TBC1D4: variants seen among roughly 807,000 people sequenced by gnomAD.
TBC1D4 encodes TBC (Tre-2, BUB2, CDC16) domain-containing protein.
Under a neutral mutation model 142.5 loss-of-function variants are expected in TBC1D4, and 121 were observed. The ratio of observed to expected loss-of-function variants is 0.85; its 90% CI spans 0.73 to 0.99. The LOEUF (loss-of-function observed/expected upper bound fraction) is 0.99, where lower values mean the gene tolerates loss of function less well. TBC1D4 is among the 50% of genes least tolerant of loss of function. The pLI is 0.00. For synonymous variants in TBC1D4, 630 were observed against 628.2 expected, an observed-to-expected ratio of 1.00 and a Z score of -0.04; for missense variants, 1,475 against 1,606.6, an observed-to-expected ratio of 0.92 and a Z score of 1.40.
chr13:75,310,192 A>T, intron 13 of TBC1D4, 41 bp from the exon 14 acceptor site: 4 of 1,571,278 alleles, frequency 2.5e-6, no homozygotes, highest in Non-Finnish European at 3.5e-6. Flanking sequence ...CTTAGCAGTA[A>T]CCCAGACTAC....
chr13:75,318,043 T>C (rs1878460221), intron 12 of TBC1D4, among the ~76,000 whole-genome samples: 1 of 152,234 alleles, frequency 6.6e-6, no homozygotes, highest in Non-Finnish European at 1.5e-5. Flanking sequence ...AACTCTTAAA[T>C]TAACATCCCA....
chr13:75,307,047 T>C (rs1402894985), intron 14 of TBC1D4, among the ~76,000 whole-genome samples: 1 of 152,222 alleles, frequency 6.6e-6, no homozygotes, highest in Non-Finnish European at 1.5e-5. Flanking sequence ...CATAGCTCAC[T>C]GCAGCCTCAA....
At chr13:75,477,286 T>G (rs1353239718) in intron 1 of TBC1D4, among the ~76,000 whole-genome samples, 1 of 152,088 alleles carries the variant, frequency 6.6e-6, no homozygotes, top group Admixed American at 6.6e-5. Context: ...AAAAATATAT[T>G]GACAAAAAAA....
At chr13:75,434,143 A>G (rs1431829486) in intron 1 of TBC1D4, among the ~76,000 whole-genome samples, 1 of 152,208 alleles carries the variant, frequency 6.6e-6, no homozygotes, top group Non-Finnish European at 1.5e-5. Flanking sequence ...CATTCAACTC[A>G]GCAATCCCAC....
chr13:75,311,355 T>C (rs1028688754), intron 13 of TBC1D4, among the ~76,000 whole-genome samples: 10 of 152,330 alleles, frequency 6.6e-5, no homozygotes, highest in African/African-American at 2.4e-4. Flanking sequence ...CTGTGAAGCT[T>C]TTTCTGACCA....
At chr13:75,294,766 G>T in intron 18 of TBC1D4, 88 bp downstream of exon 18, 1 of 1,426,746 alleles carries the variant, frequency 7.0e-7, no homozygotes, top group Non-Finnish European at 9.8e-7. Flanking sequence ...ACACATGATA[G>T]AACAATAGGG....
intron 8 of TBC1D4, among the ~76,000 whole-genome samples, chr13:75,331,060 T>C (rs113971367): frequency 6.6e-6 from 1 of 152,188 alleles, no homozygotes; most frequent in Non-Finnish European, 1.5e-5. Context: ...CACACAAGCT[T>C]TTTTTGTGCA....
intron 1 of TBC1D4, among the ~76,000 whole-genome samples, chr13:75,384,244 C>T (rs1407160636): frequency 2.0e-5 from 3 of 152,124 alleles, no homozygotes; most frequent in South Asian, 2.1e-4. Context: ...AGGGCCAGCC[C>T]GGCCAACATG....
intron 13 of TBC1D4, 109 bp from the exon 14 acceptor site, chr13:75,310,260 A>G: frequency 8.8e-7 from 1 of 1,134,852 alleles, no homozygotes; most frequent in South Asian, 1.3e-5. Flanking sequence ...AAATGTCACA[A>G]AGCCGCTTTC....
intron 1 of TBC1D4, among the ~76,000 whole-genome samples, chr13:75,398,869 CA>C (rs1566460038): frequency 6.6e-6 from 1 of 152,226 alleles, no homozygotes; most frequent in East Asian, 1.9e-4. Flanking sequence ...CTTATCTAGA[CA>C]AGGGGGTTTC....
At chr13:75,476,542 A>G (rs1172565968) in intron 1 of TBC1D4, among the ~76,000 whole-genome samples, 2 of 152,198 alleles carry the variant, frequency 1.3e-5, no homozygotes, top group Non-Finnish European at 2.9e-5. Context: ...TTCATTCAAC[A>G]TTTGCATGGT....
chr13:75,321,349 T>C (rs1878762149), intron 11 of TBC1D4, among the ~76,000 whole-genome samples: 1 of 152,008 alleles, frequency 6.6e-6, no homozygotes, highest in Admixed American at 6.6e-5. Flanking sequence ...TCTTAGGAAA[T>C]ACACCCTAAA....
At chr13:75,444,901 TA>T (rs1477822532) in intron 1 of TBC1D4, among the ~76,000 whole-genome samples, 2 of 152,242 alleles carry the variant, frequency 1.3e-5, no homozygotes, top group Admixed American at 6.5e-5. Flanking sequence ...TTTCATTTAT[TA>T]ATTGCTTACT....
intron 17 of TBC1D4, among the ~76,000 whole-genome samples, chr13:75,296,682 T>C (rs1376703362): frequency 6.6e-6 from 1 of 151,554 alleles, no homozygotes; most frequent in African/African-American, 2.4e-5. Context: ...GAAGGAAAGA[T>C]GCACAGAGAG....
intron 9 of TBC1D4, 65 bp downstream of exon 9, chr13:75,327,687 A>G: frequency 7.0e-7 from 1 of 1,427,474 alleles, no homozygotes; most frequent in Non-Finnish European, 9.9e-7. Flanking sequence ...TGGAGCATGC[A>G]TATTACCATA....
chr13:75,321,084 C>T (rs1878733872), intron 11 of TBC1D4, among the ~76,000 whole-genome samples: 1 of 151,744 alleles, frequency 6.6e-6, no homozygotes, highest in African/African-American at 2.4e-5. Flanking sequence ...ATCTCCTACC[C>T]TACCCTATTC....
intron 1 of TBC1D4, among the ~76,000 whole-genome samples, chr13:75,452,929 C>T (rs1566501060): frequency 6.6e-6 from 1 of 151,856 alleles, no homozygotes; most frequent in African/African-American, 2.4e-5. Flanking sequence ...GATAGCGTCT[C>T]GAGGGCCTAG....
intron 6 of TBC1D4, 47 bp from the exon 7 acceptor site, chr13:75,341,282 C>T: frequency 6.5e-7 from 1 of 1,534,028 alleles, no homozygotes; most frequent in Non-Finnish European, 9.0e-7. Flanking sequence ...CACCACTTCC[C>T]TCCTTTTATT....
chr13:75,364,872 C>T (rs1254911284), intron 1 of TBC1D4, among the ~76,000 whole-genome samples: 1 of 152,194 alleles, frequency 6.6e-6, no homozygotes, highest in Non-Finnish European at 1.5e-5. Flanking sequence ...TAGCCTGTAG[C>T]ACTGATTTTA....
Sources: gnomAD v4.1 joint callset for allele counts (sites outside exome capture counted in the v4.1 genomes callset) on GRCh38, gnomAD v4.1.1 for gene constraint, MANE v1.5 for transcripts, NCBI Gene and HGNC (gene_info 2026-07-23, HGNC 2026-07-21) for gene names.